The following CSMD1 variants were observed in gnomAD, a reference collection of about 807,000 sequenced individuals.
CSMD1 encodes the protein CUB and sushi domain-containing protein 1.
In CSMD1, 213 loss-of-function variants were observed where a neutral mutation model predicts 417.5. That is an observed-to-expected ratio of 0.51 (90% CI 0.46 to 0.57). The LOEUF (loss-of-function observed/expected upper bound fraction) is 0.57. CSMD1 is among the 20% of genes least tolerant of loss of function. The pLI is 0.00. For missense variants in CSMD1, 6,923 were observed against 4,529.7 expected (o/e 1.53, Z -15.17); for synonymous variants, 2,862 against 1,736.8 (o/e 1.65, Z -16.11).
chr8:3,109,217 A>T (rs539270137), intron 43 of CSMD1, among the ~76,000 whole-genome samples: 2 of 152,240 alleles, frequency 1.3e-5, no homozygotes, highest in African/African-American at 4.8e-5. Flanking sequence ...GTGAGCCAAG[A>T]TCGCGCCACT....
chr8:4,088,015 C>A (rs1042142742), intron 3 of CSMD1, among the ~76,000 whole-genome samples: 2 of 152,114 alleles, frequency 1.3e-5, no homozygotes, highest in Non-Finnish European at 2.9e-5. Context: ...ATTAGAATAT[C>A]ATTTCTGTGC....
At chr8:4,021,105 G>A (rs149753741) in intron 4 of CSMD1, among the ~76,000 whole-genome samples, 31 of 152,320 alleles carry the variant, frequency 2.0e-4, no homozygotes, top group African/African-American at 7.0e-4. Flanking sequence ...GATACAACAA[G>A]TTTAAAGTTG....
intron 3 of CSMD1, among the ~76,000 whole-genome samples, chr8:4,202,299 C>T (rs754823683): frequency 4.6e-5 from 7 of 152,108 alleles, no homozygotes; most frequent in Non-Finnish European, 5.9e-5. Flanking sequence ...AAAAATGAAG[C>T]ATCTGCCTAT....
chr8:3,492,641 G>A (rs1377246499), intron 11 of CSMD1, among the ~76,000 whole-genome samples: 2 of 152,148 alleles, frequency 1.3e-5, no homozygotes, highest in East Asian at 3.9e-4. Flanking sequence ...GACAAAAACT[G>A]TCTTTGAGGC....
At chr8:3,471,443 G>A (rs74605028) in intron 11 of CSMD1, among the ~76,000 whole-genome samples, 10 of 152,190 alleles carry the variant, frequency 6.6e-5, no homozygotes, top group Non-Finnish European at 1.5e-4. Context: ...AGTATTAGTT[G>A]CAGGGCTTTC....
At chr8:3,407,093 G>A (rs1014866430) in intron 14 of CSMD1, among the ~76,000 whole-genome samples, 2 of 152,078 alleles carry the variant, frequency 1.3e-5, no homozygotes, top group African/African-American at 2.4e-5. Context: ...AAAGATGAAT[G>A]GAGGGATGGA....
chr8:3,318,619 G>A (rs551822033), intron 23 of CSMD1, among the ~76,000 whole-genome samples: 1 of 152,176 alleles, frequency 6.6e-6, no homozygotes, highest in Non-Finnish European at 1.5e-5. Flanking sequence ...CAATGTATAA[G>A]CATGGTTTTG....
At chr8:4,743,407 T>A (rs1287455624) in intron 1 of CSMD1, among the ~76,000 whole-genome samples, 2 of 152,088 alleles carry the variant, frequency 1.3e-5, no homozygotes, top group Admixed American at 1.3e-4. Context: ...CAGGGAGTGG[T>A]ATCTTCAAAG....
chr8:4,798,971 C>G (rs1423400002), intron 1 of CSMD1, among the ~76,000 whole-genome samples: 2 of 152,196 alleles, frequency 1.3e-5, no homozygotes, highest in Non-Finnish European at 2.9e-5. Flanking sequence ...CTCCATGCTT[C>G]TGCACGCCCA....
intron 5 of CSMD1, among the ~76,000 whole-genome samples, chr8:3,963,729 G>C (rs547938158): frequency 6.6e-6 from 1 of 152,186 alleles, no homozygotes; most frequent in East Asian, 1.9e-4. Context: ...AATTTTGATA[G>C]CAAAACAAAA....
chr8:3,010,765 A>G (rs1311198413), intron 52 of CSMD1, among the ~76,000 whole-genome samples: 2 of 141,586 alleles, frequency 1.4e-5, no homozygotes, highest in African/African-American at 5.3e-5. Context: ...TTTTTTTGAG[A>G]TGAAATTTTG....
chr8:3,742,026 C>T (rs752967084), intron 6 of CSMD1, among the ~76,000 whole-genome samples: 5 of 144,540 alleles, frequency 3.5e-5, no homozygotes, highest in Non-Finnish European at 7.5e-5. Context: ...GGCTGGAATT[C>T]TCTCCTTTTC....
chr8:3,463,156 A>G lies in CSMD1; in HGVS notation c.1561+5556T>C, dbSNP rs556003468. Among the ~76,000 whole-genome samples the G allele has an allele frequency of 2.9e-4, 44 of 152,262 alleles. No individual in the cohort carries two copies. The South Asian group carries it at 6.8e-3, about 24-fold the overall frequency. ...CTCCATATTCTGTTACGGCAACCTGAATGAACTAACTGTGCACCTGTCGTG... is the reference window on the plus strand; with the variant it reads ...CTCCATATTCTGTTACGGCAACCTGGATGAACTAACTGTGCACCTGTCGTG... On this transcript the variant is annotated intron_variant, in intron 12 of 69. Coordinates refer to ENST00000635120, the MANE Select transcript of CSMD1 (RefSeq NM_033225.6).
chr8:3,052,831 G>C (rs910779019), intron 49 of CSMD1, among the ~76,000 whole-genome samples, 184 bp from the exon 50 acceptor site: 1 of 147,940 alleles, frequency 6.8e-6, no homozygotes, highest in East Asian at 2.0e-4. Flanking sequence ...TCCCAGGCTG[G>C]AGTGCAATGA....
chr8:3,307,410 C>T (rs529799112), intron 25 of CSMD1, among the ~76,000 whole-genome samples: 1 of 30,240 alleles, frequency 3.3e-5, no homozygotes, highest in Admixed American at 3.2e-4. Context: ...CCCACGAAGT[C>T]ATGATGTTTT....
chr8:4,797,740 A>G (rs1798058889), intron 1 of CSMD1, among the ~76,000 whole-genome samples: 1 of 152,204 alleles, frequency 6.6e-6, no homozygotes, highest in Non-Finnish European at 1.5e-5. Flanking sequence ...GTACATACAA[A>G]TGTAGAAGAT....
intron 26 of CSMD1, among the ~76,000 whole-genome samples, chr8:3,270,152 C>T (rs555818864): frequency 1.2e-4 from 18 of 150,048 alleles, no homozygotes; most frequent in African/African-American, 2.7e-4. Flanking sequence ...CGGGTTCAAG[C>T]GATTCTCCTA....
chr8:4,527,018 G>A (rs183924181), intron 2 of CSMD1, among the ~76,000 whole-genome samples: 40 of 152,192 alleles, frequency 2.6e-4, no homozygotes, highest in Non-Finnish European at 3.1e-4. Context: ...TAGAGCTATT[G>A]AGCTGTATAA....
intron 26 of CSMD1, among the ~76,000 whole-genome samples, chr8:3,263,151 T>G (rs1303998368): frequency 6.6e-6 from 1 of 152,192 alleles, no homozygotes; most frequent in African/African-American, 2.4e-5. Context: ...CAGGCTGGAG[T>G]GCAGTGGCAT....
Sources: gnomAD v4.1 joint callset for allele counts (sites outside exome capture counted in the v4.1 genomes callset) on GRCh38, gnomAD v4.1.1 for gene constraint, MANE v1.5 for transcripts, NCBI Gene and HGNC (gene_info 2026-07-23, HGNC 2026-07-21) for gene names.